BRWD1: variants seen among roughly 807,000 people sequenced by gnomAD.
BRWD1 encodes bromodomain and WD repeat domain containing 1, also known as bromodomain and WD repeat-containing protein 1.
BRWD1 carries 82 observed loss-of-function variants against 251.2 expected under a neutral mutation model. The observed-to-expected ratio is 0.33, with a 90% CI of 0.27 to 0.39. BRWD1 has a LOEUF of 0.39. Among genes scored for constraint, BRWD1 ranks in the 10% least tolerant of loss-of-function variants. BRWD1 has a pLI of 1.00. For missense variants in BRWD1, 2,233 were observed against 2,711.6 expected, an observed-to-expected ratio of 0.82 and a Z score of 3.92; for synonymous variants, 918 against 902.8, an observed-to-expected ratio of 1.02 and a Z score of -0.30.
At chr21:39,278,653 G>T in intron 10 of BRWD1, 90 bp downstream of exon 10, 1 of 887,980 alleles carries the variant, frequency 1.1e-6, no homozygotes, top group Non-Finnish European at 1.7e-6. Context: ...CATTTACCAT[G>T]TAGCTAATAA....
chr21:39,191,544 C>G lies in BRWD1; in HGVS notation c.*4715G>C. ...TTATGTGAAGTGGAAAACTAAAGATCTGCTTGACAGGCTCATGTAATTTTT... is the reference window on the plus strand; with the variant it reads ...TTATGTGAAGTGGAAAACTAAAGATGTGCTTGACAGGCTCATGTAATTTTT... On this transcript the variant is annotated 3_prime_UTR_variant, in exon 41 of 41. Transcript: ENST00000342449. 1 of 982,704 alleles carries G rather than the reference C, an allele frequency of 1.0e-6. No individual in the cohort carries two copies. The highest frequency in any genetic ancestry group is 1.2e-6 in the Non-Finnish European group (1 of 827,558). The allele number at this position is 982,704 out of a possible 1,614,324, so 60.9% of individuals were successfully genotyped here.
rs191380535 is a variant in BRWD1 at position 39,223,892 on chromosome 21, G to A, written c.3382+516C>T. ...TGAGATGGAGTCTCGCTGTCGCCTA[G>A]GCTGGAGTGCAGTAGCCGCAATCTT... On this transcript the variant is annotated intron_variant, in intron 29 of 40. Transcript: ENST00000342449. 4.6e-3 allele frequency among the ~76,000 whole-genome samples: 695 copies of A among 152,292 alleles called. 3 individuals carry two copies. Among genetic ancestry groups the A allele is most frequent in the Non-Finnish European group, 6.9e-3 (471 of 68,018 alleles).
chr21:39,258,762 T>C (rs1473196387), intron 17 of BRWD1, 90 bp from the exon 18 acceptor site: 1 of 837,638 alleles, frequency 1.2e-6, no homozygotes, highest in Non-Finnish European at 1.7e-6. Context: ...ACATTAACAA[T>C]GGTCAGAATT....
rs1485597527 is a variant in BRWD1 at position 39,191,053 on chromosome 21, G to A, written c.*5206C>T. The A allele has an allele frequency of 7.1e-6, 7 of 984,916 alleles. No homozygotes were observed. Among genetic ancestry groups the A allele is most frequent in the Non-Finnish European group, 8.4e-6 (7 of 829,608 alleles). The allele number at this position is 984,916 out of a possible 1,614,324, so 61.0% of individuals were successfully genotyped here. Reference sequence around the variant, plus strand: ...GCCTTATTTTGAAATATGAATTCAGGGACTTTATACTTAACTGCTTAATTT... The same window carrying A: ...GCCTTATTTTGAAATATGAATTCAGAGACTTTATACTTAACTGCTTAATTT... On this transcript the variant is annotated 3_prime_UTR_variant, in exon 41 of 41. Coordinates refer to ENST00000342449, the MANE Select transcript of BRWD1 (RefSeq NM_033656.4).
In BRWD1 at chr21:39,202,340, C is replaced by T. The variant is rs1463829766; in HGVS notation, c.4570G>A (p.Gly1524Ser). 6.2e-7 allele frequency: 1 copy of T among 1,611,668 alleles called. No individual in the cohort carries two copies. The highest frequency in any genetic ancestry group is 1.1e-5 in the South Asian group (1 of 90,950). The change falls in exon 38 of 41, where the codon GGT (glycine) becomes AGT (serine). Residue 1524 changes from glycine to serine, a missense_variant. Gly to Ser is a moderately conservative substitution (Grantham distance 56). Coordinates refer to ENST00000342449, the MANE Select transcript of BRWD1 (RefSeq NM_033656.4). ...CACTTCTCACCAGATAATGTAGAACCATTTGTTATAGGTCTATTTCTTTTC... is the reference window on the plus strand; with the variant it reads ...CACTTCTCACCAGATAATGTAGAACTATTTGTTATAGGTCTATTTCTTTTC... ...RRKRNRPITN[G>S]STLSESEVED...
rs1307923148 is a variant in BRWD1, at chr21:39,212,727, A to G, written c.3859-20T>C. 1.1e-5 allele frequency: 17 copies of G among 1,521,998 alleles called. No individual in the cohort carries two copies. Among genetic ancestry groups the G allele is most frequent in the Non-Finnish European group, 1.8e-6 (2 of 1,110,040 alleles). 94.3% of individuals were successfully genotyped at this position (1,521,998 alleles called of 1,614,324 possible). ...ATCATCCTAGGAATAAAATCAGAGC[A>G]CCTTAAGTATTTAGAGTCTCATTAG... On this transcript the variant is annotated intron_variant, in intron 33 of 40. Transcript: ENST00000342449.
chr21:39,236,930 C>A, intron 22 of BRWD1, 146 bp from the exon 23 acceptor site: 1 of 635,146 alleles, frequency 1.6e-6, no homozygotes, highest in Non-Finnish European at 2.7e-6. Context: ...TCTCCCCTCA[C>A]TACCAGCAAG....
chr21:39,217,071 A>G (rs1601299894), intron 31 of BRWD1: 2 of 7,736 alleles, frequency 2.6e-4, no homozygotes, highest in African/African-American at 4.7e-4. Context: ...ATATATATAT[A>G]TATATATATA....
chr21:39,213,272 A>C (rs2032742570), intron 33 of BRWD1, among the ~76,000 whole-genome samples: 1 of 152,210 alleles, frequency 6.6e-6, no homozygotes, highest in South Asian at 2.1e-4. Flanking sequence ...TTCCACACCT[A>C]AAGTTATTCA....
At chr21:39,236,954 A>G (rs2033832263) in intron 22 of BRWD1, among the ~76,000 whole-genome samples, 170 bp from the exon 23 acceptor site, 1 of 152,212 alleles carries the variant, frequency 6.6e-6, no homozygotes, top group Non-Finnish European at 1.5e-5. Flanking sequence ...TGAAGTGACT[A>G]AAGATCATGA....
Position 39,191,442 on chromosome 21 carries a change from G to A in BRWD1, c.*4817C>T. 2.0e-6 allele frequency: 2 copies of A among 982,722 alleles called. No individual in the cohort carries two copies. Among genetic ancestry groups the A allele is most frequent in the Non-Finnish European group, 2.4e-6 (2 of 827,594 alleles). The allele number at this position is 982,722 out of a possible 1,614,324, so 60.9% of individuals were successfully genotyped here. A position where few individuals can be genotyped will look rare whatever the true frequency, so the allele number is the denominator to read the frequency against. The stretch of plus-strand genomic sequence containing the variant: ...CTCTTTTGCTTGTTAAGATGAAAAT[G>A]CTAAATTTATTATATCCCATTTAAG... On this transcript the variant is annotated 3_prime_UTR_variant, in exon 41 of 41. Transcript: ENST00000342449.
At chr21:39,264,185 T>A (rs1190809872) in intron 17 of BRWD1, among the ~76,000 whole-genome samples, 1 of 152,136 alleles carries the variant, frequency 6.6e-6, no homozygotes, top group African/African-American at 2.4e-5. Flanking sequence ...GGTTACACAC[T>A]ATAGATTTGA....
At chr21:39,312,707 G>T (rs2036532603) in intron 4 of BRWD1, 134 bp downstream of exon 4, 1 of 480,996 alleles carries the variant, frequency 2.1e-6, no homozygotes, top group Non-Finnish European at 3.7e-6. Context: ...AGCCGGGAAC[G>T]CAGCTATCCC....
At chr21:39,291,524 C>T (rs1248250057) in intron 8 of BRWD1, among the ~76,000 whole-genome samples, 1 of 152,194 alleles carries the variant, frequency 6.6e-6, no homozygotes, top group Non-Finnish European at 1.5e-5. Context: ...GACCACCAGA[C>T]ATTTTGGTAC....
chr21:39,187,116 T>G lies in BRWD1; in HGVS notation c.*9143A>C. The G allele has an allele frequency of 6.2e-7, 1 of 1,609,712 alleles. No homozygotes were observed. Among genetic ancestry groups the G allele is most frequent in the Non-Finnish European group, 8.5e-7 (1 of 1,178,936 alleles). On this transcript the variant is annotated 3_prime_UTR_variant, in exon 41 of 41. Coordinates refer to ENST00000342449, the MANE Select transcript of BRWD1 (RefSeq NM_033656.4). Reference sequence around the variant, plus strand: ...CTAGCTCTTTTTCACTTTCAGAATTTATGGTTGTATCATCCTCTTTATAAA... The same window carrying G: ...CTAGCTCTTTTTCACTTTCAGAATTGATGGTTGTATCATCCTCTTTATAAA...
chr21:39,272,309 T>TAAA (rs1224051854), intron 13 of BRWD1, among the ~76,000 whole-genome samples: 2 of 132,906 alleles, frequency 1.5e-5, no homozygotes, highest in Admixed American at 1.5e-4. Context: ...CTTAAATAAA[T>TAAA]AAAAAAAAAA....
Position 39,186,941 on chromosome 21 carries a change from A to G in BRWD1, c.*9318T>C. Reference sequence around the variant, plus strand: ...CTCCAAAGATGCCAATAAGGGAGTAATTTTAGAGCTGGGAGCAGAATGTAA... The same window carrying G: ...CTCCAAAGATGCCAATAAGGGAGTAGTTTTAGAGCTGGGAGCAGAATGTAA... On this transcript the variant is annotated 3_prime_UTR_variant, in exon 41 of 41. Coordinates refer to ENST00000342449, the MANE Select transcript of BRWD1 (RefSeq NM_033656.4). 2.7e-6 allele frequency: 4 copies of G among 1,495,722 alleles called. No homozygotes were observed. Among genetic ancestry groups the G allele is most frequent in the East Asian group, 2.4e-5 (1 of 42,520 alleles). The allele number at this position is 1,495,722 out of a possible 1,614,324, so 92.7% of individuals were successfully genotyped here. A position where few individuals can be genotyped will look rare whatever the true frequency, so the allele number is the denominator to read the frequency against.
At chr21:39,304,240 A>T (rs2036213681) in intron 4 of BRWD1, among the ~76,000 whole-genome samples, 1 of 151,662 alleles carries the variant, frequency 6.6e-6, no homozygotes, top group South Asian at 2.1e-4. Context: ...TAATCAAAAA[A>T]AAAAAGTGAG....
At chr21:39,249,967 CACAT>C (rs2034341189) in intron 20 of BRWD1, among the ~76,000 whole-genome samples, 3 of 150,742 alleles carry the variant, frequency 2.0e-5, no homozygotes, top group South Asian at 2.1e-4. Context: ...TATACACACA[CACAT>C]AGATATATAT....
Sources: allele counts gnomAD v4.1 joint callset (sites outside exome capture counted in the v4.1 genomes callset), GRCh38; gene constraint gnomAD v4.1.1; transcripts MANE v1.5; gene names NCBI Gene and HGNC (gene_info 2026-07-23, HGNC 2026-07-21).